WWOX: variants seen among roughly 807,000 people sequenced by gnomAD.
WWOX encodes the protein WW domain-containing oxidoreductase.
A neutral mutation model predicts 46.2 loss-of-function variants in WWOX; 69 were observed. That is an observed-to-expected ratio of 1.49 (90% CI 1.23 to 1.82). WWOX has a LOEUF of 1.82. WWOX is among the 40% of genes most tolerant of loss of function. The pLI is 0.00. For synonymous variants in WWOX, 359 were observed against 202.6 expected (o/e 1.77, Z -6.56); for missense variants, 919 against 542.6 (o/e 1.69, Z -6.89).
rs1597221641 is a variant in WWOX at position 78,971,165 on chromosome 16, GAT to G, written c.1057-240441_1057-240440del. Among the ~76,000 whole-genome samples the G allele has an allele frequency of 2.0e-5, 3 of 152,140 alleles. No individual in the cohort carries two copies. The East Asian group carries it at 5.8e-4, about 29-fold the overall frequency. On this transcript the variant is annotated intron_variant, in intron 8 of 8. Transcript: ENST00000566780. ...TCCTGAGCAATCGCTGTGGTCAAGA[GAT>G]AGACTTTTTAGGGCCGGGCACGGTG... is the stretch of plus-strand genomic sequence containing the variant.
intron 8 of WWOX, among the ~76,000 whole-genome samples, chr16:79,144,659 G>C (rs2050151729): frequency 6.6e-6 from 1 of 151,978 alleles, no homozygotes; most frequent in South Asian, 2.1e-4. Context: ...ATAATATTAA[G>C]TTCGTTCATA....
At chr16:78,354,055 G>A (rs1165375314) in intron 5 of WWOX, among the ~76,000 whole-genome samples, 11 of 152,210 alleles carry the variant, frequency 7.2e-5, no homozygotes. Flanking sequence ...GTATTAGGCA[G>A]CTTGTTTGCA....
chr16:78,750,576 A>G (rs1445533880), intron 8 of WWOX, among the ~76,000 whole-genome samples: 1 of 152,036 alleles, frequency 6.6e-6, no homozygotes, highest in Admixed American at 6.6e-5. Context: ...GCTTCAATTG[A>G]ACCCATCACC....
At chr16:78,387,061 C>G in intron 6 of WWOX, 113 bp downstream of exon 6, 3 of 1,059,068 alleles carry the variant, frequency 2.8e-6, no homozygotes, top group Non-Finnish European at 4.3e-6. Flanking sequence ...GGCGTCCAAA[C>G]AGGAGGCTCA....
chr16:78,329,883 A>T (rs1414742675), intron 5 of WWOX, among the ~76,000 whole-genome samples: 1 of 151,828 alleles, frequency 6.6e-6, no homozygotes, highest in Non-Finnish European at 1.5e-5. Flanking sequence ...AGTAGCTGGG[A>T]CTACAGGCGT....
intron 8 of WWOX, among the ~76,000 whole-genome samples, chr16:79,012,197 C>T (rs1046258080): frequency 6.6e-6 from 1 of 152,162 alleles, no homozygotes. Flanking sequence ...CAAGCCACAT[C>T]TGGCTGTGTG....
intron 4 of WWOX, among the ~76,000 whole-genome samples, chr16:78,159,893 A>C (rs973896721): frequency 6.6e-6 from 1 of 151,814 alleles, no homozygotes; most frequent in African/African-American, 2.4e-5. Context: ...TATGTGGCAT[A>C]ATGTTGTCCT....
intron 8 of WWOX, among the ~76,000 whole-genome samples, chr16:78,992,232 G>C (rs1319091162): frequency 6.6e-6 from 1 of 152,058 alleles, no homozygotes; most frequent in East Asian, 1.9e-4. Flanking sequence ...GTGGACCTTT[G>C]GTCACCCCTT....
intron 8 of WWOX, chr16:78,996,372 ACCCACCCCCGCCCCCCAGCTTC>A: frequency 2.2e-6 from 1 of 458,736 alleles, no homozygotes; most frequent in Non-Finnish European, 2.5e-6. Flanking sequence ...TGAATTCTGC[ACCCACCCCCGCCCCCCAGCTTC>A]CCCACCTGTA....
chr16:79,168,418 G>A (rs1344545420), intron 8 of WWOX, among the ~76,000 whole-genome samples: 1 of 152,154 alleles, frequency 6.6e-6, no homozygotes, highest in Non-Finnish European at 1.5e-5. Context: ...TGCAGAAAGA[G>A]TTAAGGAGTG....
chr16:78,761,146 G>A lies in WWOX; in HGVS notation c.1056+328394G>A, dbSNP rs149191680. ...TATTACAGGCTAATGACTGAGCGGG[G>A]GCTGTTTCTTGTTGTGTTCTTATAA... On this transcript the variant is annotated intron_variant, in intron 8 of 8. Coordinates refer to ENST00000566780, the MANE Select transcript of WWOX (RefSeq NM_016373.4). Among the ~76,000 whole-genome samples, 514 of 152,242 alleles carry A rather than the reference G, an allele frequency of 3.4e-3. 5 individuals carry two copies. Among genetic ancestry groups the A allele is most frequent in the Middle Eastern group, 0.017 (5 of 294 alleles).
intron 5 of WWOX, among the ~76,000 whole-genome samples, chr16:78,362,665 G>C (rs1339067133): frequency 6.6e-6 from 1 of 152,118 alleles, no homozygotes. Flanking sequence ...GCTTGTAGGA[G>C]AGGCATTTAT....
At chr16:78,209,927 T>G (rs2036505814) in intron 5 of WWOX, among the ~76,000 whole-genome samples, 1 of 152,202 alleles carries the variant, frequency 6.6e-6, no homozygotes, top group Admixed American at 6.5e-5. Context: ...TTCTTCGTTC[T>G]TTCTGAAGAA....
chr16:78,967,447 T>C (rs1383213485), intron 8 of WWOX, among the ~76,000 whole-genome samples: 2 of 142,800 alleles, frequency 1.4e-5, no homozygotes, highest in South Asian at 2.3e-4. Flanking sequence ...ACATGCCTGG[T>C]TAATTTTTGT....
At chr16:79,153,464 A>C (rs1192268078) in intron 8 of WWOX, among the ~76,000 whole-genome samples, 1 of 152,178 alleles carries the variant, frequency 6.6e-6, no homozygotes, top group African/African-American at 2.4e-5. Context: ...CATTTGGTTT[A>C]CATCGGGAAT....
chr16:78,834,652 C>G (rs1050458783), intron 8 of WWOX, among the ~76,000 whole-genome samples: 3 of 152,126 alleles, frequency 2.0e-5, no homozygotes, highest in African/African-American at 4.8e-5. Flanking sequence ...CTTGATCTTT[C>G]TTGAACATTC....
chr16:78,709,937 C>T (rs2048404058), intron 8 of WWOX, among the ~76,000 whole-genome samples: 2 of 151,956 alleles, frequency 1.3e-5, no homozygotes, highest in Non-Finnish European at 2.9e-5. Flanking sequence ...CACCATGTTG[C>T]CCAGGATGGT....
chr16:78,655,964 G>A (rs557643045), intron 8 of WWOX, among the ~76,000 whole-genome samples: 5 of 152,260 alleles, frequency 3.3e-5, no homozygotes, highest in African/African-American at 1.2e-4. Context: ...CTGGGGAGAA[G>A]CCTTGGTTTT....
chr16:78,898,000 A>G (rs1306494677), intron 8 of WWOX: 1 of 121,074 alleles, frequency 8.3e-6, no homozygotes, highest in African/African-American at 4.1e-5. Context: ...GCCATTTTCT[A>G]AAAATTAGAT....
Sources: allele counts gnomAD v4.1 joint callset (sites outside exome capture counted in the v4.1 genomes callset), GRCh38; gene constraint gnomAD v4.1.1; transcripts MANE v1.5; gene names NCBI Gene and HGNC (gene_info 2026-07-23, HGNC 2026-07-21).